GPHN: variants seen among roughly 807,000 people sequenced by gnomAD.
The protein encoded by GPHN is gephyrin.
A neutral mutation model predicts 95.5 loss-of-function variants in GPHN; 17 were observed. The ratio of observed to expected loss-of-function variants is 0.18; its 90% confidence interval spans 0.12 to 0.27. The LOEUF is 0.27. Among genes scored for constraint, GPHN ranks in the 10% least tolerant of loss-of-function variants. The probability of loss-of-function intolerance (pLI) is 1.00; values close to 1 mark genes in which losing one functional copy is unlikely to be tolerated. For missense variants in GPHN, 660 were observed against 978.1 expected (o/e 0.67, Z 4.34); for synonymous variants, 320 against 322.5 (o/e 0.99, Z 0.08).
chr14:67,340,808 C>T, the GPHN span, among the ~76,000 whole-genome samples: 771 of 152,222 alleles, frequency 5.1e-3, 3 homozygotes, highest in Non-Finnish European at 7.1e-3. Context: ...CGAGTGCCTG[C>T]GATTGCAGGC....
intron 2 of GPHN, chr14:66,760,559 T>A: frequency 3.0e-6 from 1 of 334,488 alleles, no homozygotes. Context: ...TTATTTCTGT[T>A]CAGGGCCCAT....
intron 12 of GPHN, among the ~76,000 whole-genome samples, chr14:67,097,582 T>A (rs2077464829): frequency 6.6e-6 from 1 of 151,704 alleles, no homozygotes; most frequent in African/African-American, 2.4e-5. Flanking sequence ...CACACACCCC[T>A]ACTTAGCTCT....
the GPHN span, chr14:67,646,882 C>T: frequency 6.8e-7 from 1 of 1,472,814 alleles, no homozygotes; most frequent in Non-Finnish European, 9.5e-7. Context: ...TAAAAATGCT[C>T]TTTAAACTAA....
At chr14:67,622,343 C>T in the GPHN span, among the ~76,000 whole-genome samples, 1 of 152,166 alleles carries the variant, frequency 6.6e-6, no homozygotes, top group Non-Finnish European at 1.5e-5. Context: ...GAAGTCATCT[C>T]CTTCCAAAAG....
chr14:67,726,230 G>C, the GPHN span: 1 of 915,928 alleles, frequency 1.1e-6, no homozygotes, highest in Non-Finnish European at 1.8e-6. Context: ...CTGTGTAAAT[G>C]TGGAGAATGT....
chr14:67,373,112 T>C, the GPHN span, among the ~76,000 whole-genome samples: 1 of 152,158 alleles, frequency 6.6e-6, no homozygotes, highest in African/African-American at 2.4e-5. Context: ...CACATTCACT[T>C]TGGGAAAGTT....
the GPHN span, among the ~76,000 whole-genome samples, chr14:67,666,435 TAAC>T: frequency 6.6e-6 from 1 of 152,224 alleles, no homozygotes; most frequent in Non-Finnish European, 1.5e-5. Flanking sequence ...AAGTGCTCTA[TAAC>T]AACATACTTT....
intron 1 of GPHN, among the ~76,000 whole-genome samples, chr14:66,679,291 C>A (rs2066803543): frequency 6.6e-6 from 1 of 152,138 alleles, no homozygotes; most frequent in Non-Finnish European, 1.5e-5. Context: ...TTGATAGTTT[C>A]TGTTAAAAAT....
the GPHN span, among the ~76,000 whole-genome samples, chr14:67,608,432 T>C: frequency 3.3e-5 from 5 of 152,110 alleles, no homozygotes; most frequent in Non-Finnish European, 5.9e-5. Context: ...ACGATGCCAT[T>C]TTATACCAGG....
chr14:67,513,539 C>G, the GPHN span, among the ~76,000 whole-genome samples: 2 of 152,212 alleles, frequency 1.3e-5, no homozygotes, highest in African/African-American at 2.4e-5. Context: ...CATGCTGTGT[C>G]CCCAGTTGCC....
chr14:67,732,170 C>T, the GPHN span, among the ~76,000 whole-genome samples: 2 of 150,178 alleles, frequency 1.3e-5, no homozygotes, highest in African/African-American at 4.9e-5. Flanking sequence ...GGTGTGGCGG[C>T]TCATGCCTGT....
intron 17 of GPHN, among the ~76,000 whole-genome samples, chr14:67,133,807 A>G (rs989132861): frequency 1.3e-5 from 2 of 152,122 alleles, no homozygotes; most frequent in Non-Finnish European, 2.9e-5. Flanking sequence ...TGGTTCTTTG[A>G]CATGTGATCA....
the GPHN span, among the ~76,000 whole-genome samples, chr14:67,548,280 C>T: frequency 6.6e-6 from 1 of 152,164 alleles, no homozygotes; most frequent in East Asian, 1.9e-4. Flanking sequence ...TAGTATCTAT[C>T]CACAAAAGAG....
chr14:67,390,494 T>C, the GPHN span, among the ~76,000 whole-genome samples: 1 of 152,214 alleles, frequency 6.6e-6, no homozygotes, highest in Non-Finnish European at 1.5e-5. Flanking sequence ...ACCTATGTGA[T>C]GACAGGGCAG....
chr14:66,906,988 C>A (rs1476669726), intron 5 of GPHN, among the ~76,000 whole-genome samples: 1 of 152,092 alleles, frequency 6.6e-6, no homozygotes, highest in Non-Finnish European at 1.5e-5. Context: ...TTGCTGAGTT[C>A]TTCTATATGC....
chr14:67,071,641 A>C (rs1007785042), intron 11 of GPHN, among the ~76,000 whole-genome samples: 5 of 151,990 alleles, frequency 3.3e-5, no homozygotes, highest in Non-Finnish European at 5.9e-5. Context: ...ATAATAAAAA[A>C]TTTAAATTTA....
chr14:67,118,850 C>A (rs1485472105), intron 16 of GPHN, among the ~76,000 whole-genome samples: 2 of 152,100 alleles, frequency 1.3e-5, no homozygotes, highest in Non-Finnish European at 1.5e-5. Context: ...TTTTTCTTCT[C>A]AAGTGCCTTC....
intron 17 of GPHN, among the ~76,000 whole-genome samples, chr14:67,133,645 G>A (rs923166871): frequency 1.5e-4 from 23 of 152,272 alleles, no homozygotes; most frequent in African/African-American, 5.1e-4. Flanking sequence ...AAAAGATACA[G>A]TGTTCAAAAG....
chr14:67,454,313 G>A, the GPHN span: 1 of 152,216 alleles, frequency 6.6e-6, no homozygotes, highest in Non-Finnish European at 1.5e-5. Flanking sequence ...GCACTATGCA[G>A]TTTTACCTGT....
Sources: allele counts gnomAD v4.1 joint callset (sites outside exome capture counted in the v4.1 genomes callset), GRCh38; gene constraint gnomAD v4.1.1; transcripts MANE v1.5; gene names NCBI Gene and HGNC (gene_info 2026-07-23, HGNC 2026-07-21).